Variants in MBOAT1 observed in about 807,000 individuals in gnomAD.
MBOAT1 encodes the protein membrane bound glycerophospholipid O-acyltransferase 1.
MBOAT1 carries 67 observed loss-of-function variants against 64.4 expected under a neutral mutation model. That is an observed-to-expected ratio of 1.04 (90% CI 0.85 to 1.27). The LOEUF is 1.27. MBOAT1 is among the 50% of genes most tolerant of loss of function. The pLI is 0.00. For synonymous variants in MBOAT1, 229 were observed against 218.9 expected, an observed-to-expected ratio of 1.05 and a Z score of -0.41; for missense variants, 563 against 604.6, an observed-to-expected ratio of 0.93 and a Z score of 0.72.
chr6:20,197,196 C>A (rs182616139), intron 1 of MBOAT1, among the ~76,000 whole-genome samples: 1 of 152,072 alleles, frequency 6.6e-6, no homozygotes, highest in African/African-American at 2.4e-5. Context: ...AAGGGATCCT[C>A]CTGCCTCAGC....
At chr6:20,126,726 A>C in intron 6 of MBOAT1, 26 bp from the exon 7 acceptor site, 1 of 1,544,082 alleles carries the variant, frequency 6.5e-7, no homozygotes. Flanking sequence ...AAATAAATTG[A>C]AAAGTCTTCA....
intron 3 of MBOAT1, among the ~76,000 whole-genome samples, chr6:20,144,739 C>T (rs1167634873): frequency 6.6e-6 from 1 of 152,230 alleles, no homozygotes; most frequent in Non-Finnish European, 1.5e-5. Context: ...CATCACCATA[C>T]TGCTGACCAC....
chr6:20,152,780 G>A lies in MBOAT1; in HGVS notation c.100-11C>T. ...TACCACAAAATTCACCTGTGGCAGGGGAAGAGAAAATAAAAACCTTTGTGT... is the reference window on the plus strand; with the variant it reads ...TACCACAAAATTCACCTGTGGCAGGAGAAGAGAAAATAAAAACCTTTGTGT... On this transcript the variant is annotated splice_polypyrimidine_tract_variant and intron_variant, in intron 1 of 12. Transcript: ENST00000324607. 1 of 1,592,470 alleles carries A rather than the reference G, an allele frequency of 6.3e-7. No individual in the cohort carries two copies. The highest frequency in any genetic ancestry group is 8.5e-7 in the Non-Finnish European group (1 of 1,170,298).
chr6:20,157,995 A>G (rs1051425511), intron 1 of MBOAT1, among the ~76,000 whole-genome samples: 2 of 152,002 alleles, frequency 1.3e-5, no homozygotes, highest in Non-Finnish European at 2.9e-5. Context: ...GTGTCTATTA[A>G]AAACACAAAA....
At chr6:20,113,989 A>G (rs576561048) in intron 10 of MBOAT1, among the ~76,000 whole-genome samples, 1 of 152,270 alleles carries the variant, frequency 6.6e-6, no homozygotes, top group East Asian at 1.9e-4. Context: ...AGAGATGAAC[A>G]CAGGACTGAG....
Position 20,157,286 on chromosome 6 carries a change from C to T in MBOAT1, c.100-4517G>A, listed in dbSNP as rs551191655. ...AGCCTGCACAACAGAGACCTTGTTT[C>T]TTTAATTTAAAAAATGGGCAGTTTA... On this transcript the variant is annotated intron_variant, in intron 1 of 12. Transcript: ENST00000324607. Among the ~76,000 whole-genome samples the T allele has an allele frequency of 1.7e-3, 251 of 151,928 alleles. 1 individual carries two copies. Among genetic ancestry groups the T allele is most frequent in the African/African-American group, 4.9e-3 (203 of 41,448 alleles).
intron 6 of MBOAT1, 78 bp from the exon 7 acceptor site, chr6:20,126,778 A>G (rs1375357794): frequency 6.8e-6 from 7 of 1,035,542 alleles, no homozygotes; most frequent in Non-Finnish European, 1.0e-5. Flanking sequence ...AGCAAACACA[A>G]ATGTTATCTC....
chr6:20,162,739 G>T (rs1761898986), intron 1 of MBOAT1, among the ~76,000 whole-genome samples: 1 of 152,188 alleles, frequency 6.6e-6, no homozygotes, highest in African/African-American at 2.4e-5. Flanking sequence ...GGCTTAGGTT[G>T]CCTGCAGTGG....
Position 20,192,188 on chromosome 6 carries a change from C to T in MBOAT1, c.99+19948G>A, listed in dbSNP as rs539181288. Among the ~76,000 whole-genome samples the T allele has an allele frequency of 2.0e-5, 3 of 152,284 alleles. No homozygotes were observed. In the East Asian group the frequency reaches 5.8e-4, roughly 29 times the overall value. ...GGTTCTTTCACACTTCCTGGGTACA[C>T]TAAACTTATTTGCATTTCAGATTAG... On this transcript the variant is annotated intron_variant, in intron 1 of 12. Transcript: ENST00000324607.
intron 1 of MBOAT1, among the ~76,000 whole-genome samples, chr6:20,165,621 T>G (rs556824065): frequency 1.3e-5 from 2 of 151,868 alleles, no homozygotes; most frequent in Non-Finnish European, 2.9e-5. Context: ...CACACACCTG[T>G]AATCCCAGCT....
At chr6:20,182,428 A>G (rs941582122) in intron 1 of MBOAT1, among the ~76,000 whole-genome samples, 1 of 152,178 alleles carries the variant, frequency 6.6e-6, no homozygotes, top group African/African-American at 2.4e-5. Context: ...GGACACAAAC[A>G]TTCAGACCAC....
rs1763454578 is a variant in MBOAT1 at position 20,212,194 on chromosome 6, G to A, written c.41C>T (p.Thr14Ile). 6.2e-7 allele frequency: 1 copy of A among 1,613,480 alleles called. No homozygotes were observed. Among genetic ancestry groups the A allele is most frequent in the Non-Finnish European group, 8.5e-7 (1 of 1,179,892 alleles). ...EPQPSSLSYR[T>I]TGSTYLHPLS... is the part of the protein sequence containing the mutation. ...CGGGTGCAGGTAGGTGGAGCCCGTG[G>A]TGCGGTAGGAAAGGCTGGACGGCTG... is the stretch of plus-strand genomic sequence containing the variant. Residue 14 changes from threonine (T) to isoleucine (I), a missense_variant, in exon 1 of 13, where the codon ACC becomes ATC. By Grantham distance (89) the Thr-to-Ile change is moderately conservative. Transcript: ENST00000324607.
intron 1 of MBOAT1, among the ~76,000 whole-genome samples, chr6:20,166,041 T>C (rs866819820): frequency 2.6e-5 from 4 of 152,272 alleles, no homozygotes; most frequent in East Asian, 1.9e-4. Flanking sequence ...CAACCTTCTA[T>C]ATCTAGCATG....
At chr6:20,139,791 A>G (rs912295996) in intron 4 of MBOAT1, among the ~76,000 whole-genome samples, 3 of 150,340 alleles carry the variant, frequency 2.0e-5, no homozygotes, top group African/African-American at 7.3e-5. Context: ...CTGGACTCAA[A>G]TGATCCTCCC....
intron 1 of MBOAT1, among the ~76,000 whole-genome samples, chr6:20,182,174 G>T (rs1762528491): frequency 6.6e-6 from 1 of 152,146 alleles, no homozygotes; most frequent in African/African-American, 2.4e-5. Flanking sequence ...CTTAGACTAG[G>T]TAATTTGTAA....
intron 3 of MBOAT1, among the ~76,000 whole-genome samples, chr6:20,144,545 G>C (rs558660575): frequency 5.3e-5 from 8 of 152,242 alleles, no homozygotes; most frequent in Admixed American, 2.0e-4. Flanking sequence ...ATGGAATGGA[G>C]CTTTGCAAAC....
rs1477392324 is a variant in MBOAT1 at position 20,128,696 on chromosome 6, T to A, written c.530+3A>T. On this transcript the variant is annotated splice_donor_region_variant and intron_variant, in intron 6 of 12. Coordinates refer to ENST00000324607, the MANE Select transcript of MBOAT1 (RefSeq NM_001080480.3). ...TGTTAATATATCGTTACACTTCACT[T>A]ACTTGATAGCAAGTCGATGTTGTTC... The A allele has an allele frequency of 2.5e-6, 4 of 1,607,924 alleles. No homozygotes were observed. Among genetic ancestry groups the A allele is most frequent in the Non-Finnish European group, 3.4e-6 (4 of 1,177,498 alleles).
At chr6:20,171,109 A>G (rs1445944051) in intron 1 of MBOAT1, among the ~76,000 whole-genome samples, 1 of 152,170 alleles carries the variant, frequency 6.6e-6, no homozygotes, top group Non-Finnish European at 1.5e-5. Flanking sequence ...AAAAAGAAAT[A>G]CAGTTTCAGG....
At chr6:20,160,627 C>CA (rs1761824077) in intron 1 of MBOAT1, among the ~76,000 whole-genome samples, 1 of 152,168 alleles carries the variant, frequency 6.6e-6, no homozygotes, top group African/African-American at 2.4e-5. Flanking sequence ...CGCTCCAAGG[C>CA]AAAACCAATC....
Sources: allele counts gnomAD v4.1 joint callset (sites outside exome capture counted in the v4.1 genomes callset), GRCh38; gene constraint gnomAD v4.1.1; transcripts MANE v1.5; gene names NCBI Gene and HGNC (gene_info 2026-07-23, HGNC 2026-07-21).